RORA: variants seen among roughly 807,000 people sequenced by gnomAD.
RORA encodes the protein RAR related orphan receptor A.
In RORA, 7 loss-of-function variants were observed where a neutral mutation model predicts 69.5. The observed-to-expected ratio is 0.10, with a 90% CI of 0.06 to 0.19. RORA has a LOEUF of 0.19. RORA is among the 10% of genes least tolerant of loss of function. The pLI, the probability that RORA is intolerant of heterozygous loss-of-function variation, is 1.00. For missense variants in RORA, 457 were observed against 663.0 expected (o/e 0.69, Z 3.41); for synonymous variants, 261 against 240.8 (o/e 1.08, Z -0.78).
chr15:60,959,565 G>C (rs1430488172), intron 1 of RORA, among the ~76,000 whole-genome samples: 1 of 152,192 alleles, frequency 6.6e-6, no homozygotes, highest in Non-Finnish European at 1.5e-5. Context: ...AAATCCTATA[G>C]ATATGGCTCA....
intron 1 of RORA, among the ~76,000 whole-genome samples, chr15:60,917,726 A>G (rs1395897468): frequency 6.6e-6 from 1 of 152,196 alleles, no homozygotes; most frequent in Non-Finnish European, 1.5e-5. Context: ...TGAGAATATA[A>G]TCTCTCAGGA....
chr15:61,060,794 T>C (rs1030953522), intron 1 of RORA, among the ~76,000 whole-genome samples: 3 of 152,076 alleles, frequency 2.0e-5, no homozygotes, highest in Non-Finnish European at 2.9e-5. Flanking sequence ...GGAAGAAGAA[T>C]TGTCTTGGGC....
chr15:60,578,996 C>T (rs1415589974), intron 2 of RORA, among the ~76,000 whole-genome samples: 1 of 150,180 alleles, frequency 6.7e-6, no homozygotes, highest in African/African-American at 2.5e-5. Context: ...ATCTCCTGAT[C>T]TTGTGATCGA....
chr15:61,021,759 G>C (rs141145995), intron 1 of RORA, among the ~76,000 whole-genome samples: 41 of 152,338 alleles, frequency 2.7e-4, no homozygotes, highest in Middle Eastern at 6.8e-3. Flanking sequence ...GCATGTCTGA[G>C]ATGCACGGAA....
intron 1 of RORA, among the ~76,000 whole-genome samples, chr15:60,969,161 T>C (rs546912692): frequency 4.6e-5 from 7 of 152,322 alleles, no homozygotes; most frequent in Non-Finnish European, 8.8e-5. Context: ...CTTGGGTCAC[T>C]TGATCAAGGT....
chr15:60,520,532 G>T (rs932787414), intron 3 of RORA, among the ~76,000 whole-genome samples: 3 of 152,116 alleles, frequency 2.0e-5, no homozygotes, highest in African/African-American at 7.2e-5. Context: ...AGTGTGGTAG[G>T]TACCTTCCTA....
chr15:60,943,933 A>AAAAAAAAG, intron 1 of RORA, among the ~76,000 whole-genome samples: 1 of 149,280 alleles, frequency 6.7e-6, no homozygotes, highest in African/African-American at 2.5e-5. Context: ...AAAAAAAAAA[A>AAAAAAAAG]AAAAAAAGTG....
intron 1 of RORA, among the ~76,000 whole-genome samples, chr15:60,777,962 G>A (rs888981119): frequency 1.3e-5 from 2 of 152,088 alleles, no homozygotes; most frequent in Admixed American, 6.6e-5. Context: ...CTTGAATATC[G>A]AACCCAGAAA....
intron 1 of RORA, among the ~76,000 whole-genome samples, chr15:60,815,931 C>T (rs2072804631): frequency 7.1e-6 from 1 of 141,258 alleles, no homozygotes; most frequent in South Asian, 2.2e-4. Flanking sequence ...TGTATATATA[C>T]TATAAATAGT....
chr15:61,040,093 T>G (rs1380155276), intron 1 of RORA, among the ~76,000 whole-genome samples: 1 of 126,088 alleles, frequency 7.9e-6, no homozygotes, highest in Non-Finnish European at 1.6e-5. Context: ...ATAATTCTAA[T>G]GGCTATGATC....
intron 1 of RORA, among the ~76,000 whole-genome samples, chr15:61,007,272 C>A (rs1894938299): frequency 6.6e-6 from 1 of 152,088 alleles, no homozygotes; most frequent in Non-Finnish European, 1.5e-5. Context: ...ATGGAAATGA[C>A]CTTGCTCTAA....
chr15:61,220,930 C>G (rs148715670), intron 1 of RORA, among the ~76,000 whole-genome samples: 2 of 152,312 alleles, frequency 1.3e-5, no homozygotes, highest in East Asian at 3.9e-4. Context: ...TCCACAGCCC[C>G]CACTCCCCAG....
chr15:60,852,996 C>T (rs932696859), intron 1 of RORA, among the ~76,000 whole-genome samples: 4 of 152,190 alleles, frequency 2.6e-5, no homozygotes, highest in African/African-American at 7.2e-5. Context: ...CGGTAATATC[C>T]TTTGTGTCTG....
intron 1 of RORA, among the ~76,000 whole-genome samples, chr15:60,945,094 T>A (rs1311156329): frequency 6.6e-6 from 1 of 152,038 alleles, no homozygotes; most frequent in Non-Finnish European, 1.5e-5. Context: ...AGGCTATAGT[T>A]TAATATACCC....
At chr15:60,965,310 T>C (rs1419259342) in intron 1 of RORA, among the ~76,000 whole-genome samples, 2 of 152,160 alleles carry the variant, frequency 1.3e-5, no homozygotes, top group Admixed American at 1.3e-4. Flanking sequence ...ATCCCAGCAA[T>C]AGAACACAAA....
At chr15:60,849,705 T>C (rs1006365705) in intron 1 of RORA, among the ~76,000 whole-genome samples, 4 of 152,198 alleles carry the variant, frequency 2.6e-5, no homozygotes, top group Non-Finnish European at 5.9e-5. Context: ...GTGTAAATAT[T>C]CCTACAGTGA....
chr15:60,759,020 A>G lies in RORA; in HGVS notation c.167-80334T>C, dbSNP rs114489944. Among the ~76,000 whole-genome samples the G allele has an allele frequency of 3.4e-3, 521 of 152,312 alleles. 3 individuals are homozygous for G. Among genetic ancestry groups the G allele is most frequent in the African/African-American group, 0.012 (484 of 41,566 alleles). Reference sequence around the variant, plus strand: ...GCTCAAACCGTTCTTCAGATTTACAATCCAGTGGGTTTTCTCCTTGCTACA... The same window carrying G: ...GCTCAAACCGTTCTTCAGATTTACAGTCCAGTGGGTTTTCTCCTTGCTACA... On this transcript the variant is annotated intron_variant, in intron 1 of 10. Coordinates refer to ENST00000335670, the MANE Select transcript of RORA (RefSeq NM_134261.3).
intron 1 of RORA, among the ~76,000 whole-genome samples, chr15:60,947,035 C>G (rs879774594): frequency 8.8e-4 from 78 of 88,470 alleles, no homozygotes; most frequent in Middle Eastern, 5.4e-3. Flanking sequence ...AGCCCCCGCC[C>G]GGCCAGCCGC....
intron 1 of RORA, among the ~76,000 whole-genome samples, chr15:61,037,777 TG>T (rs1896533598): frequency 6.6e-6 from 1 of 152,138 alleles, no homozygotes; most frequent in Admixed American, 6.6e-5. Flanking sequence ...TAAGGCAAGG[TG>T]GCCTGAGATG....
Sources: gnomAD v4.1 joint callset for allele counts (sites outside exome capture counted in the v4.1 genomes callset) on GRCh38, gnomAD v4.1.1 for gene constraint, MANE v1.5 for transcripts, NCBI Gene and HGNC (gene_info 2026-07-23, HGNC 2026-07-21) for gene names.